The following EMILIN1 variants were observed in gnomAD, a reference collection of about 807,000 sequenced individuals.
The protein encoded by EMILIN1 is elastin microfibril interfacer 1, also known as EMILIN-1.
In EMILIN1, 49 loss-of-function variants were observed where a neutral mutation model predicts 82.4. That is an observed-to-expected ratio of 0.59 (90% confidence interval 0.47 to 0.75). The LOEUF is 0.75. Among genes scored for constraint, EMILIN1 ranks in the 30% least tolerant of loss-of-function variants. EMILIN1 has a pLI of 0.00. For missense variants in EMILIN1, 1,313 were observed against 1,366.4 expected (o/e 0.96, Z 0.62); for synonymous variants, 604 against 602.2 (o/e 1.00, Z -0.04).
chr2:27,080,391 C>T, intron 2 of EMILIN1, 121 bp downstream of exon 2: 4 of 1,355,992 alleles, frequency 2.9e-6, no homozygotes, highest in Non-Finnish European at 4.1e-6. Context: ...GCTAGGGTCA[C>T]AGCCATTTTG....
Position 27,078,939 on chromosome 2 carries a change from A to C in EMILIN1, c.-127A>C, listed in dbSNP as rs1438747462. On this transcript the variant is annotated 5_prime_UTR_variant, in exon 1 of 8. Transcript: ENST00000380320. ...AGAAGACGTGTGGCCGGGGGCTATC[A>C]GAAGGAAACTGGGACGGACGGGCCG... 1.5e-6 allele frequency: 1 copy of C among 678,792 alleles called. No homozygotes were observed. Among genetic ancestry groups the C allele is most frequent in the East Asian group, 3.4e-5 (1 of 29,494 alleles). 42.0% of individuals were successfully genotyped at this position (678,792 alleles called of 1,614,324 possible).
At position 27,083,787 on chromosome 2, in the gene EMILIN1, C is replaced by A; in HGVS notation, c.2216C>A (p.Thr739Asn). 1 of 1,606,078 alleles carries A rather than the reference C, an allele frequency of 6.2e-7. No individual in the cohort carries two copies. The highest frequency in any genetic ancestry group is 8.5e-7 in the Non-Finnish European group (1 of 1,173,554). Reference protein sequence around the residue: ...RLEGVCERLDTVAGGLQGLRE... With the variant: ...RLEGVCERLDNVAGGLQGLRE... Reference sequence around the variant, plus strand: ...GAGGGTGTCTGTGAACGGTTGGACACTGTGGCTGGGGGACTGCAGGGCCTG... The same window carrying A: ...GAGGGTGTCTGTGAACGGTTGGACAATGTGGCTGGGGGACTGCAGGGCCTG... The change falls in exon 4 of 8, where the codon ACT (threonine) becomes AAT (asparagine). Residue 739 changes from threonine (T) to asparagine (N), a missense_variant. By Grantham distance (65) the Thr-to-Asn change is moderately conservative (BLOSUM62 0). Transcript: ENST00000380320.
At chr2:27,081,007 A>G (rs1669464554) in intron 3 of EMILIN1, 55 bp downstream of exon 3, 2 of 1,347,838 alleles carry the variant, frequency 1.5e-6, no homozygotes, top group Admixed American at 4.3e-5. Context: ...ATCCAATGCA[A>G]TGGGAAATGT....
intron 7 of EMILIN1, 47 bp downstream of exon 7, chr2:27,085,344 G>T (rs1255125308): frequency 6.2e-7 from 1 of 1,608,368 alleles, no homozygotes; most frequent in South Asian, 1.1e-5. Context: ...AATGGGTGAG[G>T]TGTGCAGTGA....
At chr2:27,080,391 C>A in intron 2 of EMILIN1, 121 bp downstream of exon 2, 1 of 1,355,990 alleles carries the variant, frequency 7.4e-7, no homozygotes, top group Non-Finnish European at 1.0e-6. Flanking sequence ...GCTAGGGTCA[C>A]AGCCATTTTG....
At position 27,082,579 on chromosome 2, in the gene EMILIN1, G is replaced by A. The variant is rs1669500897; in HGVS notation, c.1008G>A (p.Arg336=). Reference sequence around the variant, plus strand: ...AGCTGCTGGCCTCGGTGGAGGAGCGGCAACGGCACCTCGCAGGGCTGGCGG... The same window carrying A: ...AGCTGCTGGCCTCGGTGGAGGAGCGACAACGGCACCTCGCAGGGCTGGCGG... ...MEKLLASVEE[R]QRHLAGLAVG... The change falls in exon 4 of 8, where the codon CGG becomes CGA. Residue 336 remains arginine, a synonymous_variant. Coordinates refer to ENST00000380320, the MANE Select transcript of EMILIN1 (RefSeq NM_007046.4). 1 of 1,542,524 alleles carries A rather than the reference G, an allele frequency of 6.5e-7. No individual in the cohort carries two copies. The highest frequency in any genetic ancestry group is 8.7e-7 in the Non-Finnish European group (1 of 1,145,084).
At chr2:27,080,421 G>A (rs1410663376) in intron 2 of EMILIN1, 151 bp downstream of exon 2, 10 of 1,138,632 alleles carry the variant, frequency 8.8e-6, no homozygotes, top group Non-Finnish European at 8.7e-6. Flanking sequence ...TGAGACAACA[G>A]TTTGGCTGGT....
chr2:27,079,143 T>G lies in EMILIN1; in HGVS notation c.78T>G (p.Pro26=), dbSNP rs1387280401. ...TAAAGAASYP[P]RGFSLYTGSS... ...CTGCAGGGGCCGCCAGCTACCCTCCTCGAGGTTTCAGCCTCTACACAGGTT... is the reference window on the plus strand; with the variant it reads ...CTGCAGGGGCCGCCAGCTACCCTCCGCGAGGTTTCAGCCTCTACACAGGTT... The change falls in exon 1 of 8, where the codon CCT becomes CCG. Residue 26 remains proline, a synonymous_variant. Coordinates refer to ENST00000380320, the MANE Select transcript of EMILIN1 (RefSeq NM_007046.4). The G allele has an allele frequency of 6.2e-7, 1 of 1,604,204 alleles. No homozygotes were observed. Among genetic ancestry groups the G allele is most frequent in the Non-Finnish European group, 8.5e-7 (1 of 1,175,736 alleles).
chr2:27,079,133 G>T lies in EMILIN1; in HGVS notation c.68G>T (p.Ser23Ile). 6.2e-7 allele frequency: 1 copy of T among 1,604,420 alleles called. No homozygotes were observed. The highest frequency in any genetic ancestry group is 8.5e-7 in the Non-Finnish European group (1 of 1,175,814). Reference protein sequence around the residue: ...CLLTAAAGAASYPPRGFSLYT... With the variant: ...CLLTAAAGAAIYPPRGFSLYT... The stretch of plus-strand genomic sequence containing the variant: ...CTGACGGCAGCTGCAGGGGCCGCCA[G>T]CTACCCTCCTCGAGGTTTCAGCCTC... Residue 23 changes from serine to isoleucine, a missense_variant, in exon 1 of 8, where the codon AGC (serine) becomes ATC (isoleucine). Transcript: ENST00000380320.
rs143856537 is a variant in EMILIN1 at position 27,079,013 on chromosome 2, C to T, written c.-53C>T. 16,682 of 1,400,036 alleles carry T rather than the reference C, an allele frequency of 0.012. 117 individuals carry two copies. The highest frequency in any genetic ancestry group is 0.014 in the Non-Finnish European group (14,444 of 1,051,866). The allele number at this position is 1,400,036 out of a possible 1,614,324, so 86.7% of individuals were successfully genotyped here. On this transcript the variant is annotated 5_prime_UTR_variant, in exon 1 of 8. Transcript: ENST00000380320. ...GCAGCATCCCCGGGGCCGGCAGAGG[C>T]GCCAGTGGCTGGGCGGGATGAGTCT...
In EMILIN1 at chr2:27,082,168, G is replaced by A. The variant is rs541774725; in HGVS notation, c.597G>A (p.Leu199=). 6.2e-7 allele frequency: 1 copy of A among 1,613,768 alleles called. No individual in the cohort carries two copies. The highest frequency in any genetic ancestry group is 2.2e-5 in the East Asian group (1 of 44,890). ...AGCTGCAAGGCCTGCGGGGCGTCCT[G>A]CAAGGACTGAGCGGGCGCCTGGCAG... ...TKELQGLRGV[L]QGLSGRLAED... The change falls in exon 4 of 8, where the codon CTG becomes CTA. Residue 199 remains leucine, a synonymous_variant. Transcript: ENST00000380320.
chr2:27,080,348 CTG>C, intron 2 of EMILIN1, 78 bp downstream of exon 2: 3 of 1,571,024 alleles, frequency 1.9e-6, no homozygotes, highest in Non-Finnish European at 2.6e-6. Context: ...CTCAGGGAGT[CTG>C]TATGAAGCAG....
chr2:27,081,107 CCGTG>C (rs1198686835), intron 3 of EMILIN1, among the ~76,000 whole-genome samples, 155 bp downstream of exon 3: 3 of 93,618 alleles, frequency 3.2e-5, no homozygotes, highest in Non-Finnish European at 6.7e-5. Context: ...GATTCCCTGC[CCGTG>C]TGTGTGTGTG....
chr2:27,085,317 G>C lies in EMILIN1; in HGVS notation c.2713+20G>C, dbSNP rs1351788484. 6.2e-7 allele frequency: 1 copy of C among 1,613,690 alleles called. No individual in the cohort carries two copies. Among genetic ancestry groups the C allele is most frequent in the Non-Finnish European group, 8.5e-7 (1 of 1,179,820 alleles). On this transcript the variant is annotated intron_variant, in intron 7 of 7. Transcript: ENST00000380320. ...AGACAGGTAGTCCTGGGAGGGGCTG[G>C]GTTGAACGGTTGGAGAAATGGGTGA...
chr2:27,084,198 C>T (rs928467278), intron 4 of EMILIN1, among the ~76,000 whole-genome samples, 187 bp downstream of exon 4: 4 of 152,208 alleles, frequency 2.6e-5, no homozygotes, highest in African/African-American at 7.2e-5. Flanking sequence ...CTCCCGCCCT[C>T]CCTCTGGCTG....
In EMILIN1 at chr2:27,085,732, G is replaced by C. The variant is rs1669606687; in HGVS notation, c.2768G>C (p.Gly923Ala). Residue 923 changes from glycine to alanine, a missense_variant, in exon 8 of 8, where the codon GGG becomes GCG. Physicochemically the swap from Gly to Ala is moderately conservative, Grantham distance 60. Coordinates refer to ENST00000380320, the MANE Select transcript of EMILIN1 (RefSeq NM_007046.4). Reference protein sequence around the residue: ...GRYLLSAVLTGHRHEKVEAVL... With the variant: ...GRYLLSAVLTAHRHEKVEAVL... ...TACTTGCTGAGCGCGGTGCTGACTGGGCACCGGCACGAGAAAGTGGAGGCC... is the reference window on the plus strand; with the variant it reads ...TACTTGCTGAGCGCGGTGCTGACTGCGCACCGGCACGAGAAAGTGGAGGCC... 6.2e-7 allele frequency: 1 copy of C among 1,609,726 alleles called. No homozygotes were observed. The highest frequency in any genetic ancestry group is 1.3e-5 in the African/African-American group (1 of 74,882).
Position 27,083,453 on chromosome 2 carries a change from G to C in EMILIN1, c.1882G>C (p.Gly628Arg). 1 of 1,612,878 alleles carries C rather than the reference G, an allele frequency of 6.2e-7. No individual in the cohort carries two copies. Among genetic ancestry groups the C allele is most frequent in the Non-Finnish European group, 8.5e-7 (1 of 1,179,782 alleles). The change falls in exon 4 of 8, where the codon GGC (glycine) becomes CGC (arginine). Residue 628 changes from glycine (G) to arginine (R), a missense_variant. Coordinates refer to ENST00000380320, the MANE Select transcript of EMILIN1 (RefSeq NM_007046.4). ...VGGPSRGPLD[G>R]FSVFGGSSGS... ...GGGCCCAAGCCGTGGGCCCCTGGAC[G>C]GCTTCAGCGTGTTTGGGGGCAGCTC...
rs369967327 is a variant in EMILIN1, at chr2:27,083,346, T to C, written c.1775T>C (p.Leu592Pro). The C allele has an allele frequency of 6.2e-7, 1 of 1,613,010 alleles. No individual in the cohort carries two copies. The highest frequency in any genetic ancestry group is 1.3e-5 in the African/African-American group (1 of 74,924). The change falls in exon 4 of 8, where the codon CTA becomes CCA. Residue 592 changes from leucine to proline, a missense_variant. Transcript: ENST00000380320. The part of the protein sequence containing the change: ...CGACGGVQEE[L>P]GRLRDGVERC... ...GCCTGTGGCGGAGTCCAAGAGGAAC[T>C]AGGCCGCCTTCGGGATGGTGTGGAG...
chr2:27,083,336 C>T lies in EMILIN1; in HGVS notation c.1765C>T (p.Gln589Ter). The T allele has an allele frequency of 6.2e-7, 1 of 1,613,350 alleles. No homozygotes were observed. Among genetic ancestry groups the T allele is most frequent in the Non-Finnish European group, 8.5e-7 (1 of 1,179,908 alleles). Residue 589 changes from glutamine (Q) to a stop codon, truncating the protein, a stop_gained, in exon 4 of 8, where the codon CAA becomes TAA. Transcript: ENST00000380320. LOFTEE classifies it high-confidence loss of function. ...GGGCTGTGGGGCCTGTGGCGGAGTC[C>T]AAGAGGAACTAGGCCGCCTTCGGGA... is the stretch of plus-strand genomic sequence containing the variant. ...DEGCGACGGV[Q>*]EELGRLRDGV...
Sources: allele counts gnomAD v4.1 joint callset (sites outside exome capture counted in the v4.1 genomes callset), GRCh38; gene constraint gnomAD v4.1.1; transcripts MANE v1.5; gene names NCBI Gene and HGNC (gene_info 2026-07-23, HGNC 2026-07-21).